The following LIMS2 variants were observed in gnomAD, a reference collection of about 807,000 sequenced individuals.
LIMS2 encodes LIM and senescent cell antigen-like-containing domain protein 2.
In LIMS2, 30 loss-of-function variants were observed where a neutral mutation model predicts 45.3. The ratio of observed to expected loss-of-function variants is 0.66; its 90% CI spans 0.50 to 0.90. The LOEUF (loss-of-function observed/expected upper bound fraction) is 0.90. Among genes scored for constraint, LIMS2 ranks in the 40% least tolerant of loss-of-function variants. The probability of loss-of-function intolerance (pLI) is 0.00; values close to 1 mark genes in which losing one functional copy is unlikely to be tolerated. For synonymous variants in LIMS2, 173 were observed against 188.0 expected, an observed-to-expected ratio of 0.92 and a Z score of 0.65; for missense variants, 485 against 468.7, an observed-to-expected ratio of 1.03 and a Z score of -0.32.
In LIMS2 at chr2:127,640,838, C is replaced by T. The variant is rs1682331118; in HGVS notation, c.753+58G>A. ...TGCCCACAGCCTCCCTTGCTCACGG[C>T]AGCTCTCCTGGCCACCCCTCCAGAC... On this transcript the variant is annotated intron_variant, in intron 7 of 9. Transcript: ENST00000355119. The T allele has an allele frequency of 2.0e-6, 3 of 1,499,046 alleles. No homozygotes were observed. In the South Asian group the frequency reaches 3.4e-5, roughly 17 times the overall value. 92.9% of individuals were successfully genotyped at this position (1,499,046 alleles called of 1,614,324 possible).
At chr2:127,656,815 G>A (rs1684287373) in intron 2 of LIMS2, among the ~76,000 whole-genome samples, 1 of 152,138 alleles carries the variant, frequency 6.6e-6, no homozygotes, top group African/African-American at 2.4e-5. Flanking sequence ...GCTCCGTAGA[G>A]GCCCGTGGGG....
At position 127,644,452 on chromosome 2, in the gene LIMS2, C is replaced by A. The variant is rs573822457; in HGVS notation, c.360-1380G>T. Among the ~76,000 whole-genome samples the A allele has an allele frequency of 4.0e-3, 614 of 152,286 alleles. 2 individuals carry two copies. The highest frequency in any genetic ancestry group is 0.014 in the African/African-American group (574 of 41,552). The stretch of plus-strand genomic sequence containing the variant: ...GCCCACCCTTGCCCAGACACCTGTG[C>A]CCCAGCCCCAACCCCAGGCCACCTC... On this transcript the variant is annotated intron_variant, in intron 4 of 9. Coordinates refer to ENST00000355119, the MANE Select transcript of LIMS2 (RefSeq NM_001161403.3).
rs1683119250 is a variant in LIMS2, at chr2:127,647,482, C to T, written c.360-4410G>A. On this transcript the variant is annotated intron_variant, in intron 4 of 9. Coordinates refer to ENST00000355119, the MANE Select transcript of LIMS2 (RefSeq NM_001161403.3). This position sits in a 1 kb window ranked among gnomAD's most constrained non-coding sequence, Gnocchi z 4.3. ...TGAGCCAGCACAGGCAGGCCCCCAC[C>T]ATGCCAGGCAGAGTGGTCAGTCGTA... Among the ~76,000 whole-genome samples the T allele has an allele frequency of 6.6e-6, 1 of 152,196 alleles. No individual in the cohort carries two copies. Among genetic ancestry groups the T allele is most frequent in the Admixed American group, 6.5e-5 (1 of 15,286 alleles).
At chr2:127,678,562 C>G (rs1050163867), upstream of LIMS2, among the ~76,000 whole-genome samples, 5 of 152,126 alleles carry the variant, frequency 3.3e-5, no homozygotes, top group South Asian at 1.0e-3. This position sits in a 1 kb window ranked among gnomAD's most constrained non-coding sequence, Gnocchi z 5.3. Context: ...ACAGTAGGGA[C>G]ATTGAGAAGG....
At chr2:127,650,601 T>G in intron 4 of LIMS2, 22 of 728,134 alleles carry the variant, frequency 3.0e-5, no homozygotes, top group Non-Finnish European at 4.6e-5. Context: ...TGGGCGGTGC[T>G]GAGCTTGAAA....
rs1259094293 is a variant in LIMS2, at chr2:127,668,686, A to C, written c.11+6328T>G. On this transcript the variant is annotated intron_variant, in intron 1 of 9. Transcript: ENST00000355119. ...TCCGTCTCAAAAAAAAAAAAAAAAA[A>C]AAAAAAAAAAAAAAAAAAAAAAAAA... Among the ~76,000 whole-genome samples, 578 of 126,144 alleles carry C rather than the reference A, an allele frequency of 4.6e-3. 22 individuals carry two copies. Among genetic ancestry groups the C allele is most frequent in the African/African-American group, 0.018 (537 of 29,298 alleles). The allele number at this position is 126,144 out of a possible 152,430, so 82.8% of individuals were successfully genotyped here.
At chr2:127,644,975 C>T (rs868739719) in intron 4 of LIMS2, among the ~76,000 whole-genome samples, 36 of 152,372 alleles carry the variant, frequency 2.4e-4, no homozygotes, top group Middle Eastern at 3.4e-3. Context: ...CAGACCAGAT[C>T]ACAGCATCAG....
In LIMS2 at chr2:127,639,200, G is replaced by A. The variant is rs1260335864; in HGVS notation, c.*81C>T. 1.4e-6 allele frequency: 2 copies of A among 1,469,790 alleles called. No homozygotes were observed. The highest frequency in any genetic ancestry group is 9.4e-7 in the Non-Finnish European group (1 of 1,068,734). The allele number at this position is 1,469,790 out of a possible 1,614,324, so 91.0% of individuals were successfully genotyped here. On this transcript the variant is annotated 3_prime_UTR_variant, in exon 10 of 10. Transcript: ENST00000355119. ...AGGGTAAGATGCGGAGGGCACAGGTGGATGGGGACGAGGGGGCCAAGCATG... is the reference window on the plus strand; with the variant it reads ...AGGGTAAGATGCGGAGGGCACAGGTAGATGGGGACGAGGGGGCCAAGCATG...
intron 1 of LIMS2, among the ~76,000 whole-genome samples, chr2:127,663,728 C>T (rs1415005780): frequency 6.6e-6 from 1 of 151,372 alleles, no homozygotes; most frequent in Non-Finnish European, 1.5e-5. Flanking sequence ...CTATTGCTCT[C>T]TCTTCCCCGC....
intron 2 of LIMS2, among the ~76,000 whole-genome samples, chr2:127,656,411 CTTTCT>C (rs1435892109): frequency 1.4e-4 from 20 of 145,262 alleles, no homozygotes; most frequent in Admixed American, 1.3e-3. Flanking sequence ...TTTTTTTTTT[CTTTCT>C]TTTTTTTTTT....
chr2:127,653,181 A>C lies in LIMS2; in HGVS notation c.359+1243T>G, dbSNP rs1683975089. On this transcript the variant is annotated intron_variant, in intron 4 of 9. Transcript: ENST00000355119. The surrounding 1 kb of genome is among the most constrained non-coding windows in gnomAD (Gnocchi z 5.3). ...GCCACGTGCCTCTCTCACGGGCAGCACACGGACAAGAGCTCGGTAGTGTCG... is the reference window on the plus strand; with the variant it reads ...GCCACGTGCCTCTCTCACGGGCAGCCCACGGACAAGAGCTCGGTAGTGTCG... 6.6e-6 allele frequency among the ~76,000 whole-genome samples: 1 copy of C among 152,196 alleles called. No homozygotes were observed. The highest frequency in any genetic ancestry group is 2.1e-4 in the South Asian group (1 of 4,832).
intron 1 of LIMS2, among the ~76,000 whole-genome samples, chr2:127,668,317 C>A (rs1330719716): frequency 6.6e-6 from 1 of 151,908 alleles, no homozygotes; most frequent in Admixed American, 6.6e-5. Flanking sequence ...ATAGACAAGG[C>A]ATTCCTAAAA....
At chr2:127,678,514 G>A (rs548233210), upstream of LIMS2, among the ~76,000 whole-genome samples, 1 of 152,340 alleles carries the variant, frequency 6.6e-6, no homozygotes, top group South Asian at 2.1e-4. The surrounding 1 kb of genome is among the most constrained non-coding windows in gnomAD (Gnocchi z 5.3). Context: ...AGAGGCTATG[G>A]TGAGCGTCCA....
chr2:127,653,863 C>T lies in LIMS2; in HGVS notation c.359+561G>A, dbSNP rs1018456301. ...TCCTTCAGAAAGGACGAGAGAGTGG[C>T]GTGGAGAAGCAAGCCCTGGAGAAAG... On this transcript the variant is annotated intron_variant, in intron 4 of 9. Coordinates refer to ENST00000355119, the MANE Select transcript of LIMS2 (RefSeq NM_001161403.3). The surrounding 1 kb of genome is among the most constrained non-coding windows in gnomAD (Gnocchi z 5.3). 3.9e-5 allele frequency among the ~76,000 whole-genome samples: 6 copies of T among 152,088 alleles called. No homozygotes were observed. The highest frequency in any genetic ancestry group is 8.8e-5 in the Non-Finnish European group (6 of 67,978).
At chr2:127,648,312 G>T in intron 4 of LIMS2, 1 of 482,614 alleles carries the variant, frequency 2.1e-6, no homozygotes, top group Non-Finnish European at 2.7e-6. Context: ...TAGAGAAATA[G>T]CTAAAAGGTA....
intron 1 of LIMS2, among the ~76,000 whole-genome samples, chr2:127,670,328 C>T (rs760563188): frequency 7.2e-5 from 11 of 152,140 alleles, no homozygotes; most frequent in Admixed American, 2.0e-4. Flanking sequence ...CTACAATATA[C>T]GGATGAATCT....
chr2:127,670,707 GCCCCAAGCTATGAGGCAGGGCTGCCT>G (rs1207652137), intron 1 of LIMS2, among the ~76,000 whole-genome samples: 99 of 152,298 alleles, frequency 6.5e-4, no homozygotes, highest in African/African-American at 2.4e-3. Flanking sequence ...TGGAACTGAG[GCCCCAAGCTATGAGGCAGGGCTGCCT>G]CCCCAAGGCC....
chr2:127,648,271 G>A lies in LIMS2; in HGVS notation c.360-5199C>T, dbSNP rs926582623. The A allele has an allele frequency of 1.4e-5, 12 of 884,280 alleles. No individual in the cohort carries two copies. The South Asian group carries it at 3.1e-4, about 23-fold the overall frequency. The allele number at this position is 884,280 out of a possible 1,614,324, so 54.8% of individuals were successfully genotyped here. A position where few individuals can be genotyped will look rare whatever the true frequency, so the allele number is the denominator to read the frequency against. On this transcript the variant is annotated intron_variant, in intron 4 of 9. Transcript: ENST00000355119. ...GGCATCTTGAAACACTCTGAAGCCG[G>A]GGGCAATCTTTTCAGGTAGGGGAAC...
rs1408906431 is a variant in LIMS2, at chr2:127,653,114, C to T, written c.359+1310G>A. On this transcript the variant is annotated intron_variant, in intron 4 of 9. Transcript: ENST00000355119. The surrounding 1 kb of genome is among the most constrained non-coding windows in gnomAD (Gnocchi z 5.3). Reference sequence around the variant, plus strand: ...TAGACAAGCTGCTCAATGCCAGGCACCGCCCAGCTCCGAGGACAGTGGGCC... The same window carrying T: ...TAGACAAGCTGCTCAATGCCAGGCATCGCCCAGCTCCGAGGACAGTGGGCC... Among the ~76,000 whole-genome samples the T allele has an allele frequency of 2.6e-5, 4 of 152,222 alleles. No individual in the cohort carries two copies. Among genetic ancestry groups the T allele is most frequent in the African/African-American group, 9.7e-5 (4 of 41,448 alleles).
Sources: allele counts gnomAD v4.1 joint callset (sites outside exome capture counted in the v4.1 genomes callset), GRCh38; gene constraint gnomAD v4.1.1; non-coding constraint Gnocchi (gnomAD v3.1); transcripts MANE v1.5; gene names NCBI Gene and HGNC (gene_info 2026-07-23, HGNC 2026-07-21).